The following DAB1 variants were observed in gnomAD, a reference collection of about 807,000 sequenced individuals.
DAB1 encodes DAB adaptor protein 1.
In DAB1, 15 loss-of-function variants were observed where a neutral mutation model predicts 64.6. That is an observed-to-expected ratio of 0.23 (90% CI 0.16 to 0.36). The LOEUF (loss-of-function observed/expected upper bound fraction) is 0.36. Ranked by LOEUF, DAB1 falls within the 10% of genes least tolerant of loss-of-function variation. The pLI, the probability that DAB1 is intolerant of heterozygous loss-of-function variation, is 1.00. For synonymous variants in DAB1, 235 were observed against 251.9 expected (o/e 0.93, Z 0.64); for missense variants, 596 against 706.7 (o/e 0.84, Z 1.78).
intron 1 of DAB1, among the ~76,000 whole-genome samples, chr1:57,829,326 T>C (rs1476573550): frequency 6.6e-6 from 1 of 152,192 alleles, no homozygotes; most frequent in East Asian, 1.9e-4. Flanking sequence ...TAGTCAGAAA[T>C]GTTTTGTGGT....
chr1:57,259,611 G>A (rs527371990), intron 2 of DAB1, among the ~76,000 whole-genome samples: 34 of 152,312 alleles, frequency 2.2e-4, no homozygotes, highest in African/African-American at 7.7e-4. Context: ...GCAGAGCAAC[G>A]TGAGATGCTG....
intron 1 of DAB1, among the ~76,000 whole-genome samples, chr1:57,832,698 G>T (rs948262839): frequency 1.3e-5 from 2 of 152,092 alleles, no homozygotes; most frequent in South Asian, 2.1e-4. Context: ...TTCAATTTCT[G>T]GGGGGGCAAA....
intron 5 of DAB1, among the ~76,000 whole-genome samples, chr1:57,948,592 T>C (rs889165459): frequency 4.6e-5 from 7 of 152,216 alleles, no homozygotes; most frequent in Non-Finnish European, 2.9e-5. Flanking sequence ...GAGTCCAGCA[T>C]AAGACCTAGA....
At chr1:57,427,626 C>T (rs1685339204), upstream of DAB1, among the ~76,000 whole-genome samples, 1 of 152,156 alleles carries the variant, frequency 6.6e-6, no homozygotes, top group Non-Finnish European at 1.5e-5. Context: ...TTTATTCCTA[C>T]AATTGTTTCA....
At chr1:57,301,209 G>A (rs1434469899) in intron 1 of DAB1, among the ~76,000 whole-genome samples, 1 of 152,184 alleles carries the variant, frequency 6.6e-6, no homozygotes, top group Non-Finnish European at 1.5e-5. Flanking sequence ...CTGACTCGGT[G>A]TAAGCAGACC....
At chr1:58,543,598 T>C (rs1432459405) in intron 1 of DAB1, among the ~76,000 whole-genome samples, 1 of 152,148 alleles carries the variant, frequency 6.6e-6, no homozygotes, top group Non-Finnish European at 1.5e-5. Context: ...ATTTCTAAAA[T>C]GCAAACCCTG....
intron 4 of DAB1, among the ~76,000 whole-genome samples, chr1:58,211,079 TGAGGAG>T (rs1174570230): frequency 2.0e-5 from 3 of 151,900 alleles, no homozygotes; most frequent in African/African-American, 7.3e-5. Flanking sequence ...GAGATCAAGG[TGAGGAG>T]GACAGGAGAT....
intron 1 of DAB1, among the ~76,000 whole-genome samples, chr1:57,859,786 A>G (rs1310704173): frequency 6.6e-6 from 1 of 152,220 alleles, no homozygotes; most frequent in African/African-American, 2.4e-5. Context: ...GCGAGTGAGG[A>G]ACACATGGAC....
intron 6 of DAB1, among the ~76,000 whole-genome samples, chr1:57,670,413 T>C (rs1646496632): frequency 6.6e-6 from 1 of 152,026 alleles, no homozygotes; most frequent in Admixed American, 6.6e-5. Flanking sequence ...CCTAGGACGA[T>C]TGTGTGAGGT....
intron 4 of DAB1, among the ~76,000 whole-genome samples, chr1:58,295,125 G>C (rs941253383): frequency 3.9e-5 from 6 of 152,028 alleles, no homozygotes; most frequent in Non-Finnish European, 8.8e-5. Flanking sequence ...CCAAGATTTG[G>C]TATTGTGATT....
chr1:57,127,895 C>A (rs1657279715), intron 4 of DAB1, among the ~76,000 whole-genome samples: 1 of 152,136 alleles, frequency 6.6e-6, no homozygotes, highest in Non-Finnish European at 1.5e-5. Flanking sequence ...CACCTGTAAT[C>A]CCAGCACTTT....
At chr1:57,132,797 C>T (rs1431090574) in intron 4 of DAB1, among the ~76,000 whole-genome samples, 2 of 152,090 alleles carry the variant, frequency 1.3e-5, no homozygotes, top group African/African-American at 4.8e-5. Context: ...GTTGTAACTC[C>T]ACCCCTTTTG....
chr1:57,071,085 G>A, intron 6 of DAB1, 24 bp from the exon 7 acceptor site: 2 of 1,607,152 alleles, frequency 1.2e-6, no homozygotes, highest in Middle Eastern at 1.7e-4. Flanking sequence ...AGGAGAGGGA[G>A]GGTGAAAAGC....
intron 6 of DAB1, 58 bp downstream of exon 6, chr1:57,071,464 T>C (rs1651451561): frequency 1.1e-5 from 17 of 1,576,980 alleles, no homozygotes; most frequent in Non-Finnish European, 1.5e-5. Context: ...CTGTCAGTTT[T>C]TACATGTGTT....
chr1:57,481,816 CAA>C (rs11367788), intron 7 of DAB1, among the ~76,000 whole-genome samples: 24 of 128,112 alleles, frequency 1.9e-4, no homozygotes, highest in Admixed American at 2.5e-4. Flanking sequence ...GACTCTGTCT[CAA>C]AAAAAAAAAA....
At chr1:58,100,080 G>A (rs994120896) in intron 5 of DAB1, among the ~76,000 whole-genome samples, 1 of 151,854 alleles carries the variant, frequency 6.6e-6, no homozygotes, top group African/African-American at 2.4e-5. Flanking sequence ...TTTTATCGTG[G>A]TAAAAGATAC....
intron 5 of DAB1, among the ~76,000 whole-genome samples, chr1:57,962,331 T>G (rs1045918381): frequency 7.2e-5 from 11 of 152,138 alleles, no homozygotes; most frequent in African/African-American, 2.7e-4. Context: ...ATTATTACTC[T>G]TATTTTTCCA....
At chr1:57,031,326 C>T (rs975095182) in intron 9 of DAB1, among the ~76,000 whole-genome samples, 2 of 152,138 alleles carry the variant, frequency 1.3e-5, no homozygotes, top group African/African-American at 4.8e-5. Flanking sequence ...CATGTTAACC[C>T]CAGTCCTTTT....
chr1:58,363,404 G>A (rs1245720133), intron 3 of DAB1, among the ~76,000 whole-genome samples: 1 of 152,194 alleles, frequency 6.6e-6, no homozygotes, highest in East Asian at 1.9e-4. Context: ...TCTAGGGGCA[G>A]CAAGAAATAT....
Sources: gnomAD v4.1 joint callset for allele counts (sites outside exome capture counted in the v4.1 genomes callset) on GRCh38, gnomAD v4.1.1 for gene constraint, MANE v1.5 for transcripts, NCBI Gene and HGNC (gene_info 2026-07-23, HGNC 2026-07-21) for gene names.